Variants in ITGA3 observed in about 807,000 individuals in gnomAD.
ITGA3 encodes the protein integrin alpha-3.
Under a neutral mutation model 131.1 loss-of-function variants are expected in ITGA3, and 70 were observed. The observed-to-expected ratio is 0.53, with a 90% CI of 0.44 to 0.65. The LOEUF is 0.65. Among genes scored for constraint, ITGA3 ranks in the 30% least tolerant of loss-of-function variants. The pLI, the probability that ITGA3 is intolerant of heterozygous loss-of-function variation, is 0.00. For synonymous variants in ITGA3, 537 were observed against 571.6 expected (o/e 0.94, Z 0.86); for missense variants, 1,098 against 1,388.6 (o/e 0.79, Z 3.33).
chr17:50,078,935 C>T lies in ITGA3; in HGVS notation c.2400+9C>T. On this transcript the variant is annotated intron_variant, in intron 19 of 25. Transcript: ENST00000320031. ...TCAAGTATGAATTCCAGGTAAGGGGCTCGCCAGAGTCCTGGGCTGGGGACT... is the reference window on the plus strand; with the variant it reads ...TCAAGTATGAATTCCAGGTAAGGGGTTCGCCAGAGTCCTGGGCTGGGGACT... The T allele has an allele frequency of 6.4e-7, 1 of 1,571,260 alleles. No individual in the cohort carries two copies. The highest frequency in any genetic ancestry group is 8.8e-7 in the Non-Finnish European group (1 of 1,140,944).
At position 50,081,405 on chromosome 17, in the gene ITGA3, G is replaced by A. The variant is rs1025014272; in HGVS notation, c.2916G>A (p.Thr972=). The change falls in exon 23 of 26, where the codon ACG becomes ACA. Residue 972 remains threonine (T), a synonymous_variant. Coordinates refer to ENST00000320031, the MANE Select transcript of ITGA3 (RefSeq NM_002204.4). ...IPTINMENKT[T]WFSVDIDSEL... Reference sequence around the variant, plus strand: ...CCATCAACATGGAGAACAAGACCACGTGGGTGAGTGCGCATGTTCACTAGG... The same window carrying A: ...CCATCAACATGGAGAACAAGACCACATGGGTGAGTGCGCATGTTCACTAGG... The A allele has an allele frequency of 5.1e-6, 8 of 1,571,840 alleles. No homozygotes were observed. Among genetic ancestry groups the A allele is most frequent in the African/African-American group, 4.0e-5 (3 of 74,182 alleles).
rs1261529936 is a variant in ITGA3, at chr17:50,056,318, G to A, written c.-122G>A. On this transcript the variant is annotated 5_prime_UTR_variant, in exon 1 of 26. Transcript: ENST00000320031. The surrounding 1 kb of genome is among the most constrained non-coding windows in gnomAD (Gnocchi z 5.6). ...GGGGCACGAAACCGATCAGCGCTAC[G>A]GAGCGCAGCGGCCGGCGGGTTCCAG... 3 of 631,406 alleles carry A rather than the reference G, an allele frequency of 4.8e-6. No individual in the cohort carries two copies. Among genetic ancestry groups the A allele is most frequent in the African/African-American group, 2.0e-5 (1 of 50,882 alleles). 39.1% of individuals were successfully genotyped at this position (631,406 alleles called of 1,614,324 possible).
At chr17:50,062,188 A>G (rs1221439727) in intron 1 of ITGA3, among the ~76,000 whole-genome samples, 4 of 152,190 alleles carry the variant, frequency 2.6e-5, no homozygotes, top group African/African-American at 9.7e-5. Context: ...ACCTTTTTGT[A>G]GAATAGACCT....
intron 7 of ITGA3, 96 bp downstream of exon 7, chr17:50,072,278 AG>A: frequency 8.8e-7 from 1 of 1,132,332 alleles, no homozygotes; most frequent in Non-Finnish European, 1.3e-6. Flanking sequence ...CAGGCTTGAC[AG>A]GGCCCACAGA....
At chr17:50,066,904 T>C (rs913987484) in intron 3 of ITGA3, among the ~76,000 whole-genome samples, 1 of 152,188 alleles carries the variant, frequency 6.6e-6, no homozygotes, top group Non-Finnish European at 1.5e-5. Context: ...GAAGGTGCCC[T>C]TGTAACCCCT....
In ITGA3 at chr17:50,089,142, G is replaced by A. The variant is rs1909596809; in HGVS notation, c.*64G>A. On this transcript the variant is annotated 3_prime_UTR_variant, in exon 26 of 26. Transcript: ENST00000320031. ...TCTTTAAGCGGACCCGCTATTATCA[G>A]ATCATGCCCAAGTACCACGCAGTGC... 9 of 1,613,374 alleles carry A rather than the reference G, an allele frequency of 5.6e-6. No individual in the cohort carries two copies. The highest frequency in any genetic ancestry group is 7.6e-6 in the Non-Finnish European group (9 of 1,179,758).
chr17:50,075,561 T>C, intron 11 of ITGA3, 35 bp downstream of exon 11: 1 of 1,614,100 alleles, frequency 6.2e-7, no homozygotes, highest in East Asian at 2.2e-5. Context: ...AGGGGTACGC[T>C]CCCCTGTCCC....
In ITGA3 at chr17:50,090,472, C is replaced by T. The variant is rs1242790107; in HGVS notation, c.*1394C>T. 4.3e-6 allele frequency: 1 copy of T among 235,284 alleles called. No individual in the cohort carries two copies. Among genetic ancestry groups the T allele is most frequent in the Non-Finnish European group, 8.9e-6 (1 of 111,806 alleles). 14.6% of individuals were successfully genotyped at this position (235,284 alleles called of 1,614,324 possible). On this transcript the variant is annotated 3_prime_UTR_variant, in exon 26 of 26. Transcript: ENST00000320031. Reference sequence around the variant, plus strand: ...TCTCACGGCGACCAATAAACAGCTCCCAGTTTGTATGCAGCTGCATCTGCT... The same window carrying T: ...TCTCACGGCGACCAATAAACAGCTCTCAGTTTGTATGCAGCTGCATCTGCT...
chr17:50,056,699 A>T lies in ITGA3; in HGVS notation c.206+54A>T, dbSNP rs1382717504. The T allele has an allele frequency of 1.3e-6, 2 of 1,529,684 alleles. No homozygotes were observed. The highest frequency in any genetic ancestry group is 2.8e-5 in the African/African-American group (2 of 72,078). The allele number at this position is 1,529,684 out of a possible 1,614,324, so 94.8% of individuals were successfully genotyped here. A position where few individuals can be genotyped will look rare whatever the true frequency, so the allele number is the denominator to read the frequency against. On this transcript the variant is annotated intron_variant, in intron 1 of 25. Coordinates refer to ENST00000320031, the MANE Select transcript of ITGA3 (RefSeq NM_002204.4). This position sits in a 1 kb window ranked among gnomAD's most constrained non-coding sequence, Gnocchi z 5.6. Reference sequence around the variant, plus strand: ...GAGCGAGAGAGTGTGCGAGCGCGGGATGCGGGTCCGGAGCTGAGTCGGAGC... The same window carrying T: ...GAGCGAGAGAGTGTGCGAGCGCGGGTTGCGGGTCCGGAGCTGAGTCGGAGC...
intron 25 of ITGA3, among the ~76,000 whole-genome samples, chr17:50,088,723 G>A (rs1399992606): frequency 6.6e-6 from 1 of 152,158 alleles, no homozygotes; most frequent in African/African-American, 2.4e-5. Context: ...CCTAGGGAAG[G>A]AGGGGAGCAG....
At chr17:50,076,523 G>A (rs1331683689) in intron 13 of ITGA3, 48 bp downstream of exon 13, 1 of 1,607,130 alleles carries the variant, frequency 6.2e-7, no homozygotes, top group East Asian at 2.2e-5. Flanking sequence ...CCAGAAGGGC[G>A]GTGGGGCGAG....
Position 50,056,350 on chromosome 17 carries a change from C to A in ITGA3, c.-90C>A. 1.0e-6 allele frequency: 1 copy of A among 956,576 alleles called. No homozygotes were observed. Among genetic ancestry groups the A allele is most frequent in the Non-Finnish European group, 1.4e-6 (1 of 690,494 alleles). The allele number at this position is 956,576 out of a possible 1,614,324, so 59.3% of individuals were successfully genotyped here. ...AGCGGCCGGCGGGTTCCAGTGTCCT[C>A]CGGCGGCGCGGGGAGCAGGTGAACA... On this transcript the variant is annotated 5_prime_UTR_variant, in exon 1 of 26. Transcript: ENST00000320031. This position sits in a 1 kb window ranked among gnomAD's most constrained non-coding sequence, Gnocchi z 5.6.
chr17:50,081,288 A>T, intron 22 of ITGA3, 22 bp from the exon 23 acceptor site: 2 of 1,511,170 alleles, frequency 1.3e-6, no homozygotes, highest in Non-Finnish European at 1.8e-6. Flanking sequence ...GTTCCCCTTG[A>T]CCCACCCCAC....
intron 6 of ITGA3, 149 bp downstream of exon 6, chr17:50,071,667 C>G (rs892666228): frequency 1.4e-6 from 1 of 722,598 alleles, no homozygotes. Flanking sequence ...TTATGGGAGT[C>G]TGAGCACCTG....
chr17:50,081,233 G>A lies in ITGA3; in HGVS notation c.2821-77G>A, dbSNP rs868702025. The A allele has an allele frequency of 1.8e-5, 16 of 895,830 alleles. 1 individual carries two copies. The Middle Eastern group carries it at 8.6e-4, about 48-fold the overall frequency. 55.5% of individuals were successfully genotyped at this position (895,830 alleles called of 1,614,324 possible). A position where few individuals can be genotyped will look rare whatever the true frequency, so the allele number is the denominator to read the frequency against. On this transcript the variant is annotated intron_variant, in intron 22 of 25. Coordinates refer to ENST00000320031, the MANE Select transcript of ITGA3 (RefSeq NM_002204.4). ...TGCTACTTGGTGGGAGGGTGATGGG[G>A]TGGGAAAGCTTAGGGTCGGAGGTAG...
rs1908658311 is a variant in ITGA3 at position 50,072,102 on chromosome 17, T to C, written c.1076T>C (p.Leu359Pro). Residue 359 changes from leucine to proline, a missense_variant, in exon 7 of 26, where the codon CTC becomes CCC. Leu to Pro is a moderately conservative substitution (Grantham distance 98). Around this residue, in one of 3 missense-constraint regions of ITGA3, gnomAD observed 356 missense variants for 529.2 expected, o/e 0.67. Transcript: ENST00000320031. ...ACCTCCTTCCCTGCTCACCCCTCAC[T>C]CCTTCTTCATGGCCCCAGTGGCTCT... is the stretch of plus-strand genomic sequence containing the variant. ...AGTSFPAHPS[L>P]LLHGPSGSAF... 6.2e-7 allele frequency: 1 copy of C among 1,613,922 alleles called. No individual in the cohort carries two copies. Among genetic ancestry groups the C allele is most frequent in the South Asian group, 1.1e-5 (1 of 91,088 alleles).
chr17:50,076,355 C>T lies in ITGA3; in HGVS notation c.1704C>T (p.Ile568=), dbSNP rs143196267. The T allele has an allele frequency of 1.9e-6, 3 of 1,613,832 alleles. No individual in the cohort carries two copies. Among genetic ancestry groups the T allele is most frequent in the Non-Finnish European group, 1.7e-6 (2 of 1,179,992 alleles). ...ACCTCCGTGACAAACTCCGCCCCAT[C>T]ATCATCTCCATGAACTACTCTTTAC... The part of the protein sequence containing the change: ...MDNLRDKLRP[I]IISMNYSLPL... The change falls in exon 13 of 26, where the codon ATC becomes ATT. Residue 568 remains isoleucine (I), a synonymous_variant. Transcript: ENST00000320031.
Position 50,056,583 on chromosome 17 carries a change from G to C in ITGA3, c.144G>C (p.Pro48=), listed in dbSNP as rs1471575304. ...RFLVVKEAGN[P]GSLFGYSVAL... Reference sequence around the variant, plus strand: ...TGGTAGTGAAGGAGGCCGGGAACCCGGGCAGCCTCTTCGGCTACTCGGTCG... The same window carrying C: ...TGGTAGTGAAGGAGGCCGGGAACCCCGGCAGCCTCTTCGGCTACTCGGTCG... Residue 48 remains proline (P), a synonymous_variant, in exon 1 of 26, where the codon CCG becomes CCC. Coordinates refer to ENST00000320031, the MANE Select transcript of ITGA3 (RefSeq NM_002204.4). This position sits in a 1 kb window ranked among gnomAD's most constrained non-coding sequence, Gnocchi z 5.6. The C allele has an allele frequency of 4.4e-6, 7 of 1,591,256 alleles. No individual in the cohort carries two copies. The Admixed American group carries it at 1.1e-4, about 24-fold the overall frequency.
chr17:50,076,782 G>T lies in ITGA3; in HGVS notation c.1922+101G>T, dbSNP rs999145357. ...GGCCTCATGGCAAGGCGAGCCCAGG[G>T]ACAGGGCTTTAGCGGGAACAGGTGG... On this transcript the variant is annotated intron_variant, in intron 14 of 25. Transcript: ENST00000320031. 6 of 1,249,518 alleles carry T rather than the reference G, an allele frequency of 4.8e-6. No individual in the cohort carries two copies. In the African/African-American group the frequency reaches 8.9e-5, roughly 19 times the overall value. 77.4% of individuals were successfully genotyped at this position (1,249,518 alleles called of 1,614,324 possible). A position where few individuals can be genotyped will look rare whatever the true frequency, so the allele number is the denominator to read the frequency against.
Sources: allele counts gnomAD v4.1 joint callset (sites outside exome capture counted in the v4.1 genomes callset), GRCh38; gene constraint gnomAD v4.1.1; regional missense constraint gnomAD v4.1.1; non-coding constraint Gnocchi (gnomAD v3.1); transcripts MANE v1.5; gene names NCBI Gene and HGNC (gene_info 2026-07-23, HGNC 2026-07-21).